The following XPR1 variants were observed in gnomAD, a reference collection of about 807,000 sequenced individuals.
The protein encoded by XPR1 is xenotropic and polytropic retrovirus receptor 1.
In XPR1, 28 loss-of-function variants were observed where a neutral mutation model predicts 87.5. The ratio of observed to expected loss-of-function variants is 0.32; its 90% CI spans 0.24 to 0.44. The LOEUF (loss-of-function observed/expected upper bound fraction) is 0.44, where lower values mean the gene tolerates loss of function less well. Ranked by LOEUF, XPR1 falls within the 20% of genes least tolerant of loss-of-function variation. The probability of loss-of-function intolerance (pLI) is 1.00; values close to 1 mark genes in which losing one functional copy is unlikely to be tolerated. For synonymous variants in XPR1, 300 were observed against 306.1 expected, an observed-to-expected ratio of 0.98 and a Z score of 0.21; for missense variants, 559 against 862.3, an observed-to-expected ratio of 0.65 and a Z score of 4.41.
chr1:180,767,647 A>G (rs1459324239), intron 2 of XPR1, among the ~76,000 whole-genome samples: 1 of 152,226 alleles, frequency 6.6e-6, no homozygotes, highest in Non-Finnish European at 1.5e-5. Context: ...TAAAGAGTAT[A>G]TAATCTGGGA....
intron 1 of XPR1, among the ~76,000 whole-genome samples, chr1:180,677,793 G>T (rs1421459462): frequency 6.6e-6 from 1 of 152,164 alleles, no homozygotes; most frequent in Non-Finnish European, 1.5e-5. Context: ...TCCCAAAGTG[G>T]CACTATAAAC....
chr1:180,735,119 CTT>C (rs1260292636), intron 2 of XPR1, among the ~76,000 whole-genome samples: 1 of 152,176 alleles, frequency 6.6e-6, no homozygotes, highest in Non-Finnish European at 1.5e-5. Flanking sequence ...CAGAAACACA[CTT>C]TGTTTCAGAA....
chr1:180,769,362 GTTTT>G, intron 2 of XPR1, among the ~76,000 whole-genome samples: 1 of 144,718 alleles, frequency 6.9e-6, no homozygotes, highest in Non-Finnish European at 1.5e-5. Context: ...CATTATTTCT[GTTTT>G]TTTGTGTTTT....
intron 13 of XPR1, 164 bp downstream of exon 13, chr1:180,874,106 G>C (rs1202476874): frequency 1.2e-6 from 1 of 867,626 alleles, no homozygotes; most frequent in Non-Finnish European, 1.7e-6. Flanking sequence ...TGTTGGCCAG[G>C]CTGATCTCGA....
chr1:180,726,820 A>G (rs963646980), intron 2 of XPR1, among the ~76,000 whole-genome samples: 2 of 152,104 alleles, frequency 1.3e-5, no homozygotes, highest in Non-Finnish European at 2.9e-5. Flanking sequence ...GTTAACATGT[A>G]ATGGATTTAT....
intron 14 of XPR1, 80 bp downstream of exon 14, chr1:180,880,377 A>G (rs1395973577): frequency 6.6e-7 from 1 of 1,511,542 alleles, no homozygotes. Flanking sequence ...AAAAGCTATC[A>G]GGTTGAACCA....
intron 2 of XPR1, among the ~76,000 whole-genome samples, chr1:180,682,899 TAGG>T (rs1180285777): frequency 2.6e-5 from 4 of 152,014 alleles, no homozygotes; most frequent in African/African-American, 9.7e-5. Context: ...TGTCAGTAAA[TAGG>T]AGCTAATTCA....
intron 1 of XPR1, among the ~76,000 whole-genome samples, chr1:180,649,270 A>C (rs1655216236): frequency 8.2e-6 from 1 of 122,594 alleles, no homozygotes; most frequent in African/African-American, 4.4e-5. Context: ...CTAAAAATAC[A>C]AAAAAAAAAA....
intron 11 of XPR1, among the ~76,000 whole-genome samples, chr1:180,857,205 GTCCCA>G (rs1420316556): frequency 2.0e-5 from 3 of 152,050 alleles, no homozygotes; most frequent in African/African-American, 7.2e-5. Context: ...CAGTACCCAA[GTCCCA>G]ACTTAAGAAA....
chr1:180,866,388 G>A (rs1652390882), intron 12 of XPR1, among the ~76,000 whole-genome samples: 1 of 152,118 alleles, frequency 6.6e-6, no homozygotes, highest in African/African-American at 2.4e-5. Flanking sequence ...TCTTAGGAAT[G>A]CATAATATTA....
At chr1:180,691,256 C>A (rs1346037731) in intron 2 of XPR1, among the ~76,000 whole-genome samples, 1 of 151,920 alleles carries the variant, frequency 6.6e-6, no homozygotes, top group Non-Finnish European at 1.5e-5. Context: ...GTTTAGTATG[C>A]CTCCTTTCAA....
intron 2 of XPR1, among the ~76,000 whole-genome samples, chr1:180,712,277 G>A (rs1424262818): frequency 6.6e-6 from 1 of 152,138 alleles, no homozygotes; most frequent in Admixed American, 6.5e-5. Flanking sequence ...AACTGAGATG[G>A]CTACTAAGTG....
At chr1:180,816,564 T>C (rs1650420785) in intron 7 of XPR1, among the ~76,000 whole-genome samples, 1 of 152,226 alleles carries the variant, frequency 6.6e-6, no homozygotes, top group African/African-American at 2.4e-5. Flanking sequence ...TATCCAGTCA[T>C]GTACCATGTA....
In XPR1 at chr1:180,753,396, C is replaced by G. The variant is rs528861460; in HGVS notation, c.122-34357C>G. On this transcript the variant is annotated intron_variant, in intron 2 of 14. Coordinates refer to ENST00000367590, the MANE Select transcript of XPR1 (RefSeq NM_004736.4). ...CCTGCGCAACGTGGTAAAACCCCATCTCGACAAAAGTTAGCTGGGCATGGT... is the reference window on the plus strand; with the variant it reads ...CCTGCGCAACGTGGTAAAACCCCATGTCGACAAAAGTTAGCTGGGCATGGT... 2.2e-4 allele frequency among the ~76,000 whole-genome samples: 33 copies of G among 151,996 alleles called. No homozygotes were observed. In the East Asian group the frequency reaches 2.7e-3, roughly 12 times the overall value.
At chr1:180,827,106 A>G (rs373015133) in intron 9 of XPR1, among the ~76,000 whole-genome samples, 3 of 139,508 alleles carry the variant, frequency 2.2e-5, no homozygotes, top group East Asian at 2.3e-4. Flanking sequence ...GTGAGCCAAG[A>G]TGGTGCTGCT....
At chr1:180,824,337 C>T (rs543695519) in intron 7 of XPR1, among the ~76,000 whole-genome samples, 1 of 152,290 alleles carries the variant, frequency 6.6e-6, no homozygotes, top group Non-Finnish European at 1.5e-5. Flanking sequence ...AATCCCAACA[C>T]TTTGGGAGGC....
chr1:180,864,354 A>G (rs1652316252), intron 12 of XPR1, among the ~76,000 whole-genome samples: 1 of 152,072 alleles, frequency 6.6e-6, no homozygotes, highest in Admixed American at 6.6e-5. Context: ...ATCTTTTTTT[A>G]CCCTATATAA....
chr1:180,665,736 T>A (rs11484676), intron 1 of XPR1, among the ~76,000 whole-genome samples: 25,026 of 152,064 alleles, frequency 0.16, 2,890 homozygotes, highest in African/African-American at 0.32. Flanking sequence ...CTGCTGGGGT[T>A]TGGGGGAGGG....
At chr1:180,874,685 C>T (rs533076618) in intron 13 of XPR1, among the ~76,000 whole-genome samples, 5 of 151,228 alleles carry the variant, frequency 3.3e-5, no homozygotes, top group African/African-American at 7.3e-5. Context: ...AGCAAAACTC[C>T]GTCTCAAAAA....
Sources: allele counts gnomAD v4.1 joint callset (sites outside exome capture counted in the v4.1 genomes callset), GRCh38; gene constraint gnomAD v4.1.1; transcripts MANE v1.5; gene names NCBI Gene and HGNC (gene_info 2026-07-23, HGNC 2026-07-21).